The following COG6 variants were observed in gnomAD, a reference collection of about 807,000 sequenced individuals.
COG6 encodes the protein component of oligomeric golgi complex 6.
In COG6, 74 loss-of-function variants were observed where a neutral mutation model predicts 88.8. That is an observed-to-expected ratio of 0.83 (90% CI 0.69 to 1.01). The LOEUF (loss-of-function observed/expected upper bound fraction) is 1.01, where lower values mean the gene tolerates loss of function less well. COG6 is among the 50% of genes least tolerant of loss of function. COG6 has a pLI of 0.00. For missense variants in COG6, 800 were observed against 797.9 expected, an observed-to-expected ratio of 1.00 and a Z score of -0.03; for synonymous variants, 286 against 278.7, an observed-to-expected ratio of 1.03 and a Z score of -0.26.
intron 12 of COG6, among the ~76,000 whole-genome samples, chr13:39,694,983 A>G (rs1877191315): frequency 6.6e-6 from 1 of 150,642 alleles, no homozygotes; most frequent in Non-Finnish European, 1.5e-5. Context: ...ACACACACAC[A>G]CACACACCCC....
intron 13 of COG6, among the ~76,000 whole-genome samples, chr13:39,717,869 A>G (rs75528367): frequency 0.06 from 9,132 of 152,212 alleles, 380 homozygotes; most frequent in Non-Finnish European, 0.094. Flanking sequence ...ACAAAAAACA[A>G]AAACAAAAAC....
At chr13:39,728,313 T>C (rs935615961) in intron 18 of COG6, among the ~76,000 whole-genome samples, 3 of 152,144 alleles carry the variant, frequency 2.0e-5, no homozygotes, top group Non-Finnish European at 2.9e-5. Flanking sequence ...GAACAAAACA[T>C]TTCAGATATC....
At chr13:39,703,404 C>A (rs916191432) in intron 13 of COG6, among the ~76,000 whole-genome samples, 20 of 152,014 alleles carry the variant, frequency 1.3e-4, no homozygotes, top group Non-Finnish European at 2.8e-4. Flanking sequence ...TGTTCAAGTC[C>A]TTTGCCATTT....
At chr13:39,665,863 G>A (rs1875225555) in intron 4 of COG6, among the ~76,000 whole-genome samples, 1 of 152,152 alleles carries the variant, frequency 6.6e-6, no homozygotes, top group African/African-American at 2.4e-5. Context: ...TGATTTTGGG[G>A]TAGGTCAGTA....
intron 8 of COG6, among the ~76,000 whole-genome samples, chr13:39,685,758 G>C (rs1195909436): frequency 1.3e-5 from 2 of 152,146 alleles, no homozygotes; most frequent in Non-Finnish European, 2.9e-5. Context: ...TTAAGAGCAT[G>C]AGGGAAAAAA....
In COG6 at chr13:39,737,506, C is replaced by T. The variant is rs554869088; in HGVS notation, c.1826+9958C>T. On this transcript the variant is annotated intron_variant, in intron 18 of 18. Transcript: ENST00000455146. ...AATCTATTATATGTGGTGTTCTGTT[C>T]TGAGGTGGCTGAGCTGGCATCCAAG... Among the ~76,000 whole-genome samples the T allele has an allele frequency of 2.0e-5, 3 of 149,692 alleles. No homozygotes were observed. In the South Asian group the frequency reaches 6.5e-4, roughly 32 times the overall value.
At chr13:39,758,117 G>A (rs947054056) in intron 18 of COG6, among the ~76,000 whole-genome samples, 2 of 151,578 alleles carry the variant, frequency 1.3e-5, no homozygotes, top group Non-Finnish European at 2.9e-5. Flanking sequence ...CTACTCGGGA[G>A]GCTGAGGCAG....
Position 39,752,574 on chromosome 13 carries a change from G to A in COG6, c.*1481G>A, listed in dbSNP as rs1382830917. 1.5e-5 allele frequency: 19 copies of A among 1,259,584 alleles called. No individual in the cohort carries two copies. The highest frequency in any genetic ancestry group is 2.0e-5 in the Non-Finnish European group (19 of 969,162). The allele number at this position is 1,259,584 out of a possible 1,614,324, so 78.0% of individuals were successfully genotyped here. On this transcript the variant is annotated 3_prime_UTR_variant, in exon 19 of 19. Coordinates refer to ENST00000455146, the MANE Select transcript of COG6 (RefSeq NM_020751.3). The stretch of plus-strand genomic sequence containing the variant: ...TATGAGTGAATTCCTTTGTTTTATA[G>A]GGAAAATTTATTGTGCTTTTTACCT...
intron 4 of COG6, among the ~76,000 whole-genome samples, chr13:39,675,047 G>C (rs1040272894): frequency 2.0e-5 from 3 of 151,804 alleles, no homozygotes; most frequent in African/African-American, 7.3e-5. Flanking sequence ...ATCTACCTCA[G>C]TTTGATCTAT....
At chr13:39,690,848 A>G (rs1290911826) in intron 11 of COG6, among the ~76,000 whole-genome samples, 1 of 151,906 alleles carries the variant, frequency 6.6e-6, no homozygotes, top group African/African-American at 2.4e-5. Context: ...CCCAAATGAA[A>G]TATTTACTTG....
intron 4 of COG6, among the ~76,000 whole-genome samples, chr13:39,669,332 G>A (rs1002491585): frequency 1.3e-5 from 2 of 152,188 alleles, no homozygotes; most frequent in South Asian, 2.1e-4. Context: ...ATTGAAAATT[G>A]TGATTAAAAC....
At chr13:39,738,080 C>A (rs1398609143) in intron 18 of COG6, among the ~76,000 whole-genome samples, 3 of 152,116 alleles carry the variant, frequency 2.0e-5, no homozygotes, top group Non-Finnish European at 4.4e-5. Context: ...TTCTTATCCT[C>A]TTTAGTGCCT....
intron 3 of COG6, among the ~76,000 whole-genome samples, 157 bp from the exon 4 acceptor site, chr13:39,664,939 G>A (rs1875153633): frequency 1.3e-5 from 2 of 152,136 alleles, no homozygotes; most frequent in Admixed American, 1.3e-4. Flanking sequence ...CAGTGGATGA[G>A]CCTTGAAACA....
At chr13:39,684,242 G>GTTTTTTTTTTTT (rs1593423136) in intron 8 of COG6, among the ~76,000 whole-genome samples, 2 of 44,786 alleles carry the variant, frequency 4.5e-5, no homozygotes, top group Non-Finnish European at 8.5e-5. Flanking sequence ...CAATTTGGAA[G>GTTTTTTTTTTTT]ATTTTTTTTT....
At chr13:39,726,554 A>G (rs1436994494) in intron 17 of COG6, among the ~76,000 whole-genome samples, 1 of 151,790 alleles carries the variant, frequency 6.6e-6, no homozygotes, top group Non-Finnish European at 1.5e-5. Flanking sequence ...GTAGGTACCT[A>G]AGGTACCTAA....
At chr13:39,773,941 G>T (rs1359990403) in intron 18 of COG6, among the ~76,000 whole-genome samples, 4 of 150,798 alleles carry the variant, frequency 2.7e-5, no homozygotes, top group Non-Finnish European at 5.9e-5. Flanking sequence ...TCATACAAGG[G>T]AATGTGAAGG....
At chr13:39,775,037 G>T (rs1881424217) in intron 18 of COG6, among the ~76,000 whole-genome samples, 1 of 152,158 alleles carries the variant, frequency 6.6e-6, no homozygotes, top group South Asian at 2.1e-4. Context: ...ACTCAGGCAG[G>T]GGAATGGGCA....
At chr13:39,658,547 G>C (rs1325163674) in intron 1 of COG6, among the ~76,000 whole-genome samples, 1 of 151,908 alleles carries the variant, frequency 6.6e-6, no homozygotes, top group African/African-American at 2.4e-5. Context: ...CTCCTTTCTT[G>C]TACCCCTTTA....
chr13:39,724,590 A>T, intron 17 of COG6, 29 bp downstream of exon 17: 1 of 1,503,346 alleles, frequency 6.7e-7, no homozygotes, highest in Non-Finnish European at 9.2e-7. Context: ...ATTTTAATTT[A>T]GATTTCCTTA....
Sources: allele counts gnomAD v4.1 joint callset (sites outside exome capture counted in the v4.1 genomes callset), GRCh38; gene constraint gnomAD v4.1.1; transcripts MANE v1.5; gene names NCBI Gene and HGNC (gene_info 2026-07-23, HGNC 2026-07-21).